CNTN6: variants seen among roughly 807,000 people sequenced by gnomAD.
The protein encoded by CNTN6 is contactin-6.
CNTN6 carries 137 observed loss-of-function variants against 122.8 expected under a neutral mutation model. The observed-to-expected ratio is 1.12, with a 90% CI of 0.97 to 1.29. The LOEUF (loss-of-function observed/expected upper bound fraction) is 1.29. Among genes scored for constraint, CNTN6 ranks in the 50% most tolerant of loss-of-function variants. The pLI is 0.00. For missense variants in CNTN6, 1,634 were observed against 1,223.4 expected (o/e 1.34, Z -5.01); for synonymous variants, 570 against 426.0 (o/e 1.34, Z -4.16).
intron 7 of CNTN6, among the ~76,000 whole-genome samples, chr3:1,318,263 A>T (rs2125956446): frequency 6.6e-6 from 1 of 151,650 alleles, no homozygotes; most frequent in South Asian, 2.1e-4. Context: ...GCAGAGCAAT[A>T]AGTTCTCAAC....
intron 5 of CNTN6, among the ~76,000 whole-genome samples, 165 bp downstream of exon 5, chr3:1,278,673 C>G (rs538332167): frequency 6.6e-6 from 1 of 152,160 alleles, no homozygotes; most frequent in African/African-American, 2.4e-5. Context: ...TAAACATTTT[C>G]TTTTAAAAAT....
intron 5 of CNTN6, among the ~76,000 whole-genome samples, chr3:1,288,857 G>C (rs1694802775): frequency 6.6e-6 from 1 of 152,162 alleles, no homozygotes; most frequent in African/African-American, 2.4e-5. Context: ...AGGATTTGTT[G>C]TATGCTTGAG....
At chr3:1,198,736 A>G (rs2093815836) in intron 2 of CNTN6, among the ~76,000 whole-genome samples, 1 of 148,570 alleles carries the variant, frequency 6.7e-6, no homozygotes, top group East Asian at 2.0e-4. Flanking sequence ...AAAAAAAAAA[A>G]GAAAGAAAGA....
intron 20 of CNTN6, among the ~76,000 whole-genome samples, chr3:1,386,149 C>G (rs1338071812): frequency 6.6e-6 from 1 of 152,124 alleles, no homozygotes; most frequent in Admixed American, 6.5e-5. Flanking sequence ...AGTTGCCTAC[C>G]TATAAAATGA....
intron 1 of CNTN6, among the ~76,000 whole-genome samples, chr3:1,101,892 A>G (rs562776375): frequency 4.1e-4 from 63 of 152,328 alleles, no homozygotes; most frequent in African/African-American, 1.4e-3. Context: ...TCTAGAGGCA[A>G]TTATTCAAAA....
rs1409091227 is a variant in CNTN6 at position 1,377,087 on chromosome 3, T to C, written c.2166+12T>C. 2 of 1,567,878 alleles carry C rather than the reference T, an allele frequency of 1.3e-6. No homozygotes were observed. Among genetic ancestry groups the C allele is most frequent in the African/African-American group, 2.7e-5 (2 of 73,732 alleles). On this transcript the variant is annotated intron_variant, in intron 17 of 22. Transcript: ENST00000446702. ...TCATTACGTGGGAGGTAATTTTCTG[T>C]CCAACTGAGTTATTTTGAAGAAAAG...
intron 4 of CNTN6, among the ~76,000 whole-genome samples, chr3:1,230,145 CA>C (rs1385886717): frequency 6.6e-6 from 1 of 152,142 alleles, no homozygotes; most frequent in Non-Finnish European, 1.5e-5. Context: ...AAATTTTTAA[CA>C]ATATCAATTG....
At chr3:1,281,639 A>G (rs1218954813) in intron 5 of CNTN6, among the ~76,000 whole-genome samples, 1 of 151,864 alleles carries the variant, frequency 6.6e-6, no homozygotes, top group East Asian at 1.9e-4. Context: ...TAATTTTTGT[A>G]TTTTTAGTAG....
intron 7 of CNTN6, among the ~76,000 whole-genome samples, chr3:1,303,950 T>A (rs568891647): frequency 1.4e-4 from 22 of 152,326 alleles, no homozygotes; most frequent in African/African-American, 5.3e-4. Context: ...AGCTCTCATG[T>A]CTTCCAGGCC....
rs773001057 is a variant in CNTN6, at chr3:1,372,282, A to T, written c.1493-17A>T. The T allele has an allele frequency of 6.4e-6, 10 of 1,571,740 alleles. No individual in the cohort carries two copies. Among genetic ancestry groups the T allele is most frequent in the African/African-American group, 4.1e-5 (3 of 72,800 alleles). ...AGCATTTCATAAGCTTTAAAAAATA[A>T]TTTTTTTTCTCAACAGAGAGAACTG... On this transcript the variant is annotated splice_polypyrimidine_tract_variant and intron_variant, in intron 12 of 22. Transcript: ENST00000446702.
intron 20 of CNTN6, among the ~76,000 whole-genome samples, chr3:1,400,157 A>T (rs1234994283): frequency 1.3e-5 from 2 of 152,142 alleles, no homozygotes; most frequent in Non-Finnish European, 2.9e-5. Flanking sequence ...ATGCTCACTC[A>T]GCCTCACAAA....
At chr3:1,298,949 A>C (rs77827343) in intron 7 of CNTN6, among the ~76,000 whole-genome samples, 666 of 152,248 alleles carry the variant, frequency 4.4e-3, no homozygotes, top group African/African-American at 0.015. Flanking sequence ...TTAGTCTCCA[A>C]ATTCTAGAAA....
In CNTN6 at chr3:1,329,886, G is replaced by A. The variant is rs1575728441; in HGVS notation, c.1315G>A (p.Ala439Thr). ...ATGCAAACCAAATGCTTTTCCCAGG[G>A]CAGCTATCTCTTGGAAAAGAGGAAC... is the stretch of plus-strand genomic sequence containing the variant. ...IGCKPNAFPR[A>T]AISWKRGTET... The change falls in exon 11 of 23, where the codon GCA (alanine) becomes ACA (threonine). Residue 439 changes from alanine (A) to threonine (T), a missense_variant. Ala to Thr is a moderately conservative substitution (Grantham distance 58). Transcript: ENST00000446702. The A allele has an allele frequency of 1.2e-6, 2 of 1,610,022 alleles. No individual in the cohort carries two copies. The highest frequency in any genetic ancestry group is 2.2e-5 in the East Asian group (1 of 44,644).
chr3:1,241,798 C>CA, intron 4 of CNTN6, among the ~76,000 whole-genome samples: 1 of 152,286 alleles, frequency 6.6e-6, no homozygotes, highest in East Asian at 1.9e-4. Context: ...TTTTGGAGGA[C>CA]AACTGCAGCT....
intron 3 of CNTN6, among the ~76,000 whole-genome samples, chr3:1,223,390 T>C (rs1485976765): frequency 2.0e-5 from 3 of 152,172 alleles, no homozygotes; most frequent in Admixed American, 6.5e-5. Context: ...GCAAATGAAA[T>C]CTCAGGGAAA....
intron 4 of CNTN6, among the ~76,000 whole-genome samples, chr3:1,233,044 C>G (rs1388959295): frequency 2.6e-5 from 4 of 152,182 alleles, no homozygotes; most frequent in Non-Finnish European, 5.9e-5. Context: ...TAGGTTGAGA[C>G]TGAAAACTAA....
chr3:1,118,988 G>A (rs897359804), intron 1 of CNTN6, among the ~76,000 whole-genome samples: 6 of 152,024 alleles, frequency 3.9e-5, no homozygotes, highest in African/African-American at 1.2e-4. Flanking sequence ...AGCTTTTTAT[G>A]GGACCATACA....
intron 11 of CNTN6, among the ~76,000 whole-genome samples, chr3:1,351,949 C>A (rs1345756805): frequency 1.3e-5 from 2 of 151,808 alleles, no homozygotes; most frequent in African/African-American, 4.8e-5. Context: ...TTCTCCTAAG[C>A]CAAGTTCAAT....
Position 1,403,526 on chromosome 3 carries a change from AG to A in CNTN6, c.*109del. On this transcript the variant is annotated 3_prime_UTR_variant, in exon 23 of 23. Coordinates refer to ENST00000446702, the MANE Select transcript of CNTN6 (RefSeq NM_001289080.2). Reference sequence around the variant, plus strand: ...GTTCTTAATACAGACTTGTTTGCAAAGAAAAAAAAAAGTATATTATTAAAAT... The same window carrying A: ...GTTCTTAATACAGACTTGTTTGCAAAAAAAAAAAAAGTATATTATTAAAAT... 1 of 546,278 alleles carries A rather than the reference AG, an allele frequency of 1.8e-6. No homozygotes were observed. Among genetic ancestry groups the A allele is most frequent in the Non-Finnish European group, 3.1e-6 (1 of 317,546 alleles). 33.8% of individuals were successfully genotyped at this position (546,278 alleles called of 1,614,324 possible). A position where few individuals can be genotyped will look rare whatever the true frequency, so the allele number is the denominator to read the frequency against.
Sources: allele counts gnomAD v4.1 joint callset (sites outside exome capture counted in the v4.1 genomes callset), GRCh38; gene constraint gnomAD v4.1.1; transcripts MANE v1.5; gene names NCBI Gene and HGNC (gene_info 2026-07-23, HGNC 2026-07-21).